Variants in DDHD2 observed in about 807,000 individuals in gnomAD.
DDHD2 encodes triacylglycerol hydrolase DDHD2.
A neutral mutation model predicts 91.2 loss-of-function variants in DDHD2; 62 were observed. The ratio of observed to expected loss-of-function variants is 0.68; its 90% CI spans 0.55 to 0.84. The LOEUF is 0.84. Among genes scored for constraint, DDHD2 ranks in the 40% least tolerant of loss-of-function variants. The probability of loss-of-function intolerance (pLI) is 0.00; values close to 1 mark genes in which losing one functional copy is unlikely to be tolerated. For missense variants in DDHD2, 740 were observed against 846.9 expected, an observed-to-expected ratio of 0.87 and a Z score of 1.57; for synonymous variants, 271 against 293.9, an observed-to-expected ratio of 0.92 and a Z score of 0.80.
rs894180765 is a variant in DDHD2 at position 38,269,338 on chromosome 8, C to G, written n.88-1784C>G. 7.8e-6 allele frequency: 7 copies of G among 894,038 alleles called. No homozygotes were observed. In the Admixed American group the frequency reaches 1.7e-4, roughly 21 times the overall value. The allele number at this position is 894,038 out of a possible 1,614,324, so 55.4% of individuals were successfully genotyped here. On this transcript the variant is annotated intron_variant and non_coding_transcript_variant, in intron 1 of 1. Transcript: ENST00000526071. The stretch of plus-strand genomic sequence containing the variant: ...CAGGAAGACGGCCTGGCGGCTGTGC[C>G]GAGGGCATCGTCTGGCAAAGGGTAC...
At chr8:38,235,871 G>GTGCACACA (rs1554511660) in intron 3 of DDHD2, among the ~76,000 whole-genome samples, 1 of 50,392 alleles carries the variant, frequency 2.0e-5, no homozygotes, top group East Asian at 8.2e-4. Flanking sequence ...AAAAGTACAC[G>GTGCACACA]CGCACACACA....
At chr8:38,234,830 C>T (rs1188286505) in intron 3 of DDHD2, among the ~76,000 whole-genome samples, 4 of 148,454 alleles carry the variant, frequency 2.7e-5, no homozygotes, top group African/African-American at 7.5e-5. Flanking sequence ...TGCAGTGGTG[C>T]GATCTTGGCT....
intron 3 of DDHD2, among the ~76,000 whole-genome samples, chr8:38,237,105 G>A (rs111950782): frequency 5.3e-5 from 8 of 152,102 alleles, no homozygotes; most frequent in Non-Finnish European, 1.0e-4. Flanking sequence ...GCTGGGTGCT[G>A]TGGCTCATGC....
At position 38,232,882 on chromosome 8, in the gene DDHD2, G is replaced by C. The variant is rs1804396581; in HGVS notation, c.-8-105G>C. 7.4e-6 allele frequency: 5 copies of C among 678,866 alleles called. No individual in the cohort carries two copies. The South Asian group carries it at 9.9e-5, about 13-fold the overall frequency. The allele number at this position is 678,866 out of a possible 1,614,324, so 42.1% of individuals were successfully genotyped here. ...AAATTATGTAGATTTTGTTGTTGTTGTTGTTGCAGAAATGGCTCCGTAAAA... is the reference window on the plus strand; with the variant it reads ...AAATTATGTAGATTTTGTTGTTGTTCTTGTTGCAGAAATGGCTCCGTAAAA... On this transcript the variant is annotated intron_variant, in intron 1 of 17. Coordinates refer to ENST00000397166, the MANE Select transcript of DDHD2 (RefSeq NM_015214.3).
rs1050415308 is a variant in DDHD2, at chr8:38,245,654, T to C, written c.849-88T>C. 8 of 1,184,558 alleles carry C rather than the reference T, an allele frequency of 6.8e-6. No homozygotes were observed. In the African/African-American group the frequency reaches 7.6e-5, roughly 11 times the overall value. 73.4% of individuals were successfully genotyped at this position (1,184,558 alleles called of 1,614,324 possible). A position where few individuals can be genotyped will look rare whatever the true frequency, so the allele number is the denominator to read the frequency against. On this transcript the variant is annotated intron_variant, in intron 7 of 17. Coordinates refer to ENST00000397166, the MANE Select transcript of DDHD2 (RefSeq NM_015214.3). ...CCTATAAATCGACAATTGTTTGTTA[T>C]AAAATGTTTAAGCTTGAAGGCTTAA...
At chr8:38,239,587 T>C (rs1805082693) in intron 5 of DDHD2, among the ~76,000 whole-genome samples, 1 of 143,160 alleles carries the variant, frequency 7.0e-6, no homozygotes, top group Non-Finnish European at 1.5e-5. Context: ...CTCGGGAGGC[T>C]GAGGCAGGAG....
intron 17 of DDHD2, 159 bp downstream of exon 17, chr8:38,260,306 G>A: frequency 2.0e-6 from 1 of 488,566 alleles, no homozygotes; most frequent in Non-Finnish European, 3.7e-6. Context: ...AAATTCATGG[G>A]GAAAAAAACA....
downstream of DDHD2, chr8:38,263,737 T>C (rs1029401415): frequency 3.0e-6 from 3 of 985,394 alleles, no homozygotes; most frequent in South Asian, 9.4e-5. Flanking sequence ...TTTTAAGATT[T>C]TGAGCTATAT....
chr8:38,238,637 T>C, intron 5 of DDHD2: 1 of 977,380 alleles, frequency 1.0e-6, no homozygotes, highest in East Asian at 1.1e-4. Context: ...ATATATTTAA[T>C]TGGATTATAA....
chr8:38,264,736 T>A, downstream of DDHD2: 2 of 1,445,446 alleles, frequency 1.4e-6, no homozygotes, highest in Non-Finnish European at 9.1e-7. Context: ...TCCAGACTTA[T>A]GATTTCTAAA....
intron 7 of DDHD2, among the ~76,000 whole-genome samples, chr8:38,244,845 T>A (rs531997249): frequency 1.5e-3 from 232 of 152,314 alleles, no homozygotes; most frequent in African/African-American, 5.4e-3. Context: ...ATTACAGGCG[T>A]GAGCCACCGC....
At chr8:38,243,487 A>T (rs947990080) in intron 7 of DDHD2, among the ~76,000 whole-genome samples, 9 of 152,130 alleles carry the variant, frequency 5.9e-5, no homozygotes, top group African/African-American at 1.9e-4. Context: ...TTGTTCACAG[A>T]AGTAGTATAT....
downstream of DDHD2, chr8:38,264,918 T>C (rs1028798026): frequency 1.9e-6 from 3 of 1,612,766 alleles, no homozygotes; most frequent in Non-Finnish European, 2.5e-6. Flanking sequence ...CTTATTGCTA[T>C]TCATCTGCCC....
intron 6 of DDHD2, among the ~76,000 whole-genome samples, chr8:38,240,963 C>T (rs868347082): frequency 5.3e-5 from 8 of 150,448 alleles, no homozygotes; most frequent in Non-Finnish European, 1.2e-4. Context: ...CCCAGCTACT[C>T]GGGAGGCTGA....
At chr8:38,232,306 G>C (rs2130727039) in intron 1 of DDHD2, among the ~76,000 whole-genome samples, 1 of 152,376 alleles carries the variant, frequency 6.6e-6, no homozygotes, top group East Asian at 1.9e-4. Flanking sequence ...AGGAGTGTTG[G>C]AGAGGTAGAA....
downstream of DDHD2, chr8:38,267,267 AG>A (rs1166851563): frequency 8.1e-6 from 13 of 1,614,010 alleles, no homozygotes; most frequent in Non-Finnish European, 1.1e-5. Flanking sequence ...ATATTCATAC[AG>A]GAAGAATGTC....
At chr8:38,244,473 A>G (rs767613362) in intron 7 of DDHD2, among the ~76,000 whole-genome samples, 39 of 149,446 alleles carry the variant, frequency 2.6e-4, no homozygotes, top group Non-Finnish European at 3.5e-4. Context: ...CATATTGGCC[A>G]GGCTGGACTC....
chr8:38,260,037 T>C lies in DDHD2; in HGVS notation c.2055-3T>C, dbSNP rs1420464809. 3 of 1,601,512 alleles carry C rather than the reference T, an allele frequency of 1.9e-6. No homozygotes were observed. Among genetic ancestry groups the C allele is most frequent in the East Asian group, 2.2e-5 (1 of 44,838 alleles). On this transcript the variant is annotated splice_region_variant and splice_polypyrimidine_tract_variant and intron_variant, in intron 16 of 17. Transcript: ENST00000397166. ...TTCTCAACATAATTTTTTCTCTTTA[T>C]AGGGAGTCTGAAGATACAGTATTGC... is the stretch of plus-strand genomic sequence containing the variant.
At chr8:38,236,425 G>A (rs1156746763) in intron 3 of DDHD2, among the ~76,000 whole-genome samples, 1 of 151,804 alleles carries the variant, frequency 6.6e-6, no homozygotes, top group Non-Finnish European at 1.5e-5. Context: ...TGCGATCTCG[G>A]CTCACTGCAA....
Sources: gnomAD v4.1 joint callset for allele counts (sites outside exome capture counted in the v4.1 genomes callset) on GRCh38, gnomAD v4.1.1 for gene constraint, MANE v1.5 for transcripts, NCBI Gene and HGNC (gene_info 2026-07-23, HGNC 2026-07-21) for gene names.